Variants in NCAM2 observed in about 807,000 individuals in gnomAD.
The protein encoded by NCAM2 is neural cell adhesion molecule 2.
A neutral mutation model predicts 98.1 loss-of-function variants in NCAM2; 30 were observed. The observed-to-expected ratio is 0.31, with a 90% CI of 0.23 to 0.41. The LOEUF is 0.41. Among genes scored for constraint, NCAM2 ranks in the 10% least tolerant of loss-of-function variants. NCAM2 has a pLI of 1.00. For missense variants in NCAM2, 867 were observed against 1,005.8 expected (o/e 0.86, Z 1.87); for synonymous variants, 368 against 342.4 (o/e 1.07, Z -0.83).
At chr21:21,338,124 A>G (rs2074928264) in intron 7 of NCAM2, among the ~76,000 whole-genome samples, 1 of 152,098 alleles carries the variant, frequency 6.6e-6, no homozygotes, top group African/African-American at 2.4e-5. Context: ...AGAATTTTGA[A>G]ACAAATTATA....
chr21:21,481,036 A>G (rs530913514), intron 15 of NCAM2, among the ~76,000 whole-genome samples: 1 of 152,330 alleles, frequency 6.6e-6, no homozygotes, highest in South Asian at 2.1e-4. Context: ...GCTTGGAAAC[A>G]TACACCATGA....
chr21:21,033,651 G>A (rs1001724302), intron 1 of NCAM2, among the ~76,000 whole-genome samples: 9 of 152,138 alleles, frequency 5.9e-5, no homozygotes, highest in African/African-American at 2.2e-4. Context: ...AGGTAAGTAT[G>A]TGAAGCAAAG....
chr21:21,162,105 A>G (rs2067804095), intron 1 of NCAM2, among the ~76,000 whole-genome samples: 1 of 152,098 alleles, frequency 6.6e-6, no homozygotes, highest in South Asian at 2.1e-4. Context: ...AGAGATACTT[A>G]TTACTTTGTT....
intron 16 of NCAM2, among the ~76,000 whole-genome samples, chr21:21,520,129 A>C (rs922277663): frequency 6.6e-6 from 1 of 152,220 alleles, no homozygotes; most frequent in East Asian, 1.9e-4. Flanking sequence ...ACTCAAGCAT[A>C]ATTTACTAAG....
intron 5 of NCAM2, among the ~76,000 whole-genome samples, chr21:21,322,759 G>A (rs975704772): frequency 6.6e-6 from 1 of 152,144 alleles, no homozygotes; most frequent in African/African-American, 2.4e-5. Flanking sequence ...GAGGGTTGAG[G>A]AAAGACTTGG....
chr21:21,489,973 A>G (rs892620108), intron 15 of NCAM2, among the ~76,000 whole-genome samples: 10 of 152,112 alleles, frequency 6.6e-5, no homozygotes, highest in Non-Finnish European at 1.3e-4. Context: ...TAAGGAAAAC[A>G]TTCCCTCAGT....
chr21:21,210,173 T>C (rs373419753), intron 1 of NCAM2, among the ~76,000 whole-genome samples: 3 of 152,334 alleles, frequency 2.0e-5, no homozygotes, highest in East Asian at 1.9e-4. Context: ...ACATGTTACA[T>C]TGAGACATTT....
intron 1 of NCAM2, among the ~76,000 whole-genome samples, chr21:21,277,514 G>A (rs1055255169): frequency 2.0e-5 from 3 of 152,082 alleles, no homozygotes; most frequent in African/African-American, 7.2e-5. Context: ...ATAGAAAAAG[G>A]AGATTAGAAC....
At chr21:21,385,463 C>T in intron 9 of NCAM2, 2 of 396,096 alleles carry the variant, frequency 5.0e-6, no homozygotes, top group Non-Finnish European at 9.8e-6. Context: ...CAAGCACCTA[C>T]AGGGTAATAC....
intron 15 of NCAM2, among the ~76,000 whole-genome samples, chr21:21,481,287 C>A (rs772948677): frequency 2.0e-5 from 3 of 152,154 alleles, no homozygotes; most frequent in Non-Finnish European, 2.9e-5. Context: ...GAAACCAGAT[C>A]ACTCCACCCC....
chr21:21,397,845 T>C (rs1370314448), intron 9 of NCAM2, among the ~76,000 whole-genome samples: 2 of 152,228 alleles, frequency 1.3e-5, no homozygotes, highest in African/African-American at 2.4e-5. Flanking sequence ...CCAGATGGGC[T>C]GCCACTGCCA....
chr21:21,416,638 T>G (rs1257102934), intron 10 of NCAM2, among the ~76,000 whole-genome samples: 1 of 152,204 alleles, frequency 6.6e-6, no homozygotes, highest in Non-Finnish European at 1.5e-5. Flanking sequence ...TCAGTGGGTG[T>G]TTATCAGTAG....
chr21:21,480,981 C>A (rs550384724), intron 15 of NCAM2, among the ~76,000 whole-genome samples: 1 of 152,278 alleles, frequency 6.6e-6, no homozygotes, highest in Admixed American at 6.5e-5. Context: ...AATATCAAAT[C>A]GTTGGTTAGA....
chr21:21,520,803 T>C (rs892419474), intron 16 of NCAM2, among the ~76,000 whole-genome samples: 2 of 152,010 alleles, frequency 1.3e-5, no homozygotes, highest in Non-Finnish European at 2.9e-5. Context: ...AGTTCAGGAA[T>C]AGGAAAAAAA....
chr21:21,006,799 T>G (rs917572488), intron 1 of NCAM2, among the ~76,000 whole-genome samples: 1 of 152,130 alleles, frequency 6.6e-6, no homozygotes, highest in Admixed American at 6.6e-5. Context: ...ATGATGTTTG[T>G]TTTTTGTTTA....
intron 1 of NCAM2, among the ~76,000 whole-genome samples, chr21:21,139,823 TA>T (rs2067130788): frequency 6.6e-6 from 1 of 152,150 alleles, no homozygotes; most frequent in Non-Finnish European, 1.5e-5. Flanking sequence ...TTAATACCAT[TA>T]TTTATTAAAC....
At chr21:21,406,793 T>A (rs111935938) in intron 9 of NCAM2, among the ~76,000 whole-genome samples, 1 of 152,226 alleles carries the variant, frequency 6.6e-6, no homozygotes, top group African/African-American at 2.4e-5. Flanking sequence ...CCTTAAGATA[T>A]GCTTCCATAA....
chr21:21,006,725 T>C (rs558523891), intron 1 of NCAM2, among the ~76,000 whole-genome samples: 1 of 152,282 alleles, frequency 6.6e-6, no homozygotes, highest in East Asian at 1.9e-4. Flanking sequence ...TCTGCTGTAA[T>C]AGGCATCTCG....
At chr21:21,175,220 C>T (rs563898018) in intron 1 of NCAM2, among the ~76,000 whole-genome samples, 74 of 151,918 alleles carry the variant, frequency 4.9e-4, no homozygotes, top group African/African-American at 1.7e-3. Context: ...GTGGGGAAGG[C>T]TGATGATGGT....
Sources: gnomAD v4.1 joint callset for allele counts (sites outside exome capture counted in the v4.1 genomes callset) on GRCh38, gnomAD v4.1.1 for gene constraint, MANE v1.5 for transcripts, NCBI Gene and HGNC (gene_info 2026-07-23, HGNC 2026-07-21) for gene names.